The following MS4A15 variants were observed in gnomAD, a reference collection of about 807,000 sequenced individuals.
MS4A15 encodes membrane-spanning 4-domains subfamily A member 15.
Under a neutral mutation model 20.6 loss-of-function variants are expected in MS4A15, and 22 were observed. The ratio of observed to expected loss-of-function variants is 1.07; its 90% CI spans 0.76 to 1.52. The LOEUF (loss-of-function observed/expected upper bound fraction) is 1.52, where lower values mean the gene tolerates loss of function less well. MS4A15 is among the 40% of genes most tolerant of loss of function. The probability of loss-of-function intolerance (pLI) is 0.00; values close to 1 mark genes in which losing one functional copy is unlikely to be tolerated. For missense variants in MS4A15, 312 were observed against 323.0 expected, an observed-to-expected ratio of 0.97 and a Z score of 0.26; for synonymous variants, 129 against 129.3, an observed-to-expected ratio of 1.00 and a Z score of 0.02.
intron 1 of MS4A15, among the ~76,000 whole-genome samples, chr11:60,759,966 T>C (rs1179713660): frequency 6.6e-6 from 1 of 152,202 alleles, no homozygotes; most frequent in Non-Finnish European, 1.5e-5. Flanking sequence ...CCGGCGCCGG[T>C]GCAGTTCCTC....
rs1854100021 is a variant in MS4A15, at chr11:60,773,557, G to A, written c.498+73G>A. 2.1e-6 allele frequency: 3 copies of A among 1,409,942 alleles called. No homozygotes were observed. In the Admixed American group the frequency reaches 5.1e-5, roughly 24 times the overall value. The allele number at this position is 1,409,942 out of a possible 1,614,324, so 87.3% of individuals were successfully genotyped here. ...CAGCCATGTCCAGGAGGGTAGGGAG[G>A]TGAGAGTTTGCAGCGCCAGGACGTT... On this transcript the variant is annotated intron_variant, in intron 5 of 6. Transcript: ENST00000405633.
chr11:60,767,774 G>C (rs1032602673), intron 3 of MS4A15, 119 bp downstream of exon 3: 31 of 1,247,374 alleles, frequency 2.5e-5, no homozygotes, highest in Non-Finnish European at 3.3e-5. Context: ...GGGGCCTGGA[G>C]GCACTTCCTA....
chr11:60,772,168 G>A (rs972034986), intron 4 of MS4A15, among the ~76,000 whole-genome samples: 14 of 152,188 alleles, frequency 9.2e-5, no homozygotes, highest in Non-Finnish European at 1.9e-4. Flanking sequence ...GGAAGAGCCC[G>A]GTCGGGAAAC....
chr11:60,766,384 AAAT>A (rs988734443), intron 2 of MS4A15, among the ~76,000 whole-genome samples: 1 of 152,102 alleles, frequency 6.6e-6, no homozygotes, highest in Non-Finnish European at 1.5e-5. Context: ...TCCTTCTCAA[AAAT>A]AATAATAATA....
chr11:60,775,334 G>GAAAAC (rs1395033185), intron 6 of MS4A15, among the ~76,000 whole-genome samples: 3 of 46,450 alleles, frequency 6.5e-5, no homozygotes, highest in African/African-American at 1.3e-4. Flanking sequence ...AAAAAGAAAA[G>GAAAAC]AAAAAAAAGA....
intron 4 of MS4A15, chr11:60,771,617 A>C: frequency 6.7e-7 from 1 of 1,482,092 alleles, no homozygotes; most frequent in South Asian, 1.2e-5. Flanking sequence ...AAGATGCTAG[A>C]AGATCTCCTG....
rs1565067870 is a variant in MS4A15 at position 60,759,720 on chromosome 11, T to C, written c.-29+2662T>C. On this transcript the variant is annotated intron_variant, in intron 1 of 6. Transcript: ENST00000405633. ...CGAGATATGCTGGCAGCAATACTGC[T>C]CTGTTACTCTTTACTAACTGAGATG... is the stretch of plus-strand genomic sequence containing the variant. Among the ~76,000 whole-genome samples, 4 of 152,306 alleles carry C rather than the reference T, an allele frequency of 2.6e-5. No homozygotes were observed. The South Asian group carries it at 8.3e-4, about 32-fold the overall frequency.
chr11:60,773,795 C>T lies in MS4A15; in HGVS notation c.499-42C>T, dbSNP rs770684176. ...TTCTCACTCGGGGGACCCCCTTACT[C>T]TAGAACTCTGGGCTCACCTTTCTGT... is the stretch of plus-strand genomic sequence containing the variant. On this transcript the variant is annotated intron_variant, in intron 5 of 6. Coordinates refer to ENST00000405633, the MANE Select transcript of MS4A15 (RefSeq NM_001098835.2). The T allele has an allele frequency of 2.6e-6, 4 of 1,568,258 alleles. No homozygotes were observed. In the South Asian group the frequency reaches 3.3e-5, roughly 13 times the overall value.
Position 60,767,630 on chromosome 11 carries a change from G to A in MS4A15, c.323G>A (p.Gly108Asp). 6.4e-7 allele frequency: 1 copy of A among 1,555,808 alleles called. No homozygotes were observed. Among genetic ancestry groups the A allele is most frequent in the Non-Finnish European group, 8.7e-7 (1 of 1,149,190 alleles). The change falls in exon 3 of 7, where the codon GGC becomes GAC. Residue 108 changes from glycine to aspartate, a missense_variant. By Grantham distance (94) the Gly-to-Asp change is moderately conservative. Coordinates refer to ENST00000405633, the MANE Select transcript of MS4A15 (RefSeq NM_001098835.2). Reference sequence around the variant, plus strand: ...GTGGGCATCTTCTTCATCGAGGGCGGCGTCCCCTTCTGGGGAGGAGCCTGC... The same window carrying A: ...GTGGGCATCTTCTTCATCGAGGGCGACGTCCCCTTCTGGGGAGGAGCCTGC... ...GHVGIFFIEG[G>D]VPFWGGACFI... is the part of the protein sequence containing the mutation.
At chr11:60,772,505 T>C (rs1854068807) in intron 4 of MS4A15, among the ~76,000 whole-genome samples, 1 of 152,192 alleles carries the variant, frequency 6.6e-6, no homozygotes, top group Non-Finnish European at 1.5e-5. Context: ...GCACTTTGCA[T>C]AGTGCCTGGC....
intron 6 of MS4A15, among the ~76,000 whole-genome samples, chr11:60,774,739 G>C (rs1185463112): frequency 6.6e-6 from 1 of 152,230 alleles, no homozygotes; most frequent in Non-Finnish European, 1.5e-5. Flanking sequence ...TCAAGGCAGG[G>C]GAACCAGTTG....
intron 1 of MS4A15, among the ~76,000 whole-genome samples, 170 bp downstream of exon 1, chr11:60,757,228 A>G (rs1291634436): frequency 6.6e-6 from 1 of 152,236 alleles, no homozygotes; most frequent in Admixed American, 6.5e-5. Flanking sequence ...AGCTCTACAC[A>G]ACGCTATGAT....
At chr11:60,758,114 C>T (rs963275004) in intron 1 of MS4A15, among the ~76,000 whole-genome samples, 3 of 152,146 alleles carry the variant, frequency 2.0e-5, no homozygotes, top group South Asian at 4.1e-4. Context: ...TTTAGCCATG[C>T]AGCAGTCCTT....
At position 60,775,758 on chromosome 11, in the gene MS4A15, T is replaced by C; in HGVS notation, c.*43T>C. The C allele has an allele frequency of 1.3e-6, 2 of 1,527,242 alleles. No individual in the cohort carries two copies. The highest frequency in any genetic ancestry group is 1.2e-5 in the South Asian group (1 of 86,942). 94.6% of individuals were successfully genotyped at this position (1,527,242 alleles called of 1,614,324 possible). Reference sequence around the variant, plus strand: ...TGCGGGTGGAGTCCAGCCTTTTCCCTCTGGGCCCAGCCTCTCCCCACCCCC... The same window carrying C: ...TGCGGGTGGAGTCCAGCCTTTTCCCCCTGGGCCCAGCCTCTCCCCACCCCC... On this transcript the variant is annotated 3_prime_UTR_variant, in exon 7 of 7. Transcript: ENST00000405633.
At chr11:60,761,728 GTA>G (rs1360097964) in intron 1 of MS4A15, among the ~76,000 whole-genome samples, 2 of 152,174 alleles carry the variant, frequency 1.3e-5, no homozygotes, top group Non-Finnish European at 2.9e-5. Flanking sequence ...CACATGATGA[GTA>G]TATTACTAGC....
intron 6 of MS4A15, among the ~76,000 whole-genome samples, chr11:60,774,969 G>C (rs562774084): frequency 5.3e-5 from 8 of 152,314 alleles, no homozygotes; most frequent in Non-Finnish European, 1.5e-5. Flanking sequence ...CTGGTGCCAC[G>C]GTGCAGGCAA....
Position 60,773,902 on chromosome 11 carries a change from C to A in MS4A15, c.564C>A (p.Val188=). The change falls in exon 6 of 7, where the codon GTC becomes GTA. Residue 188 remains valine (V), a synonymous_variant. Coordinates refer to ENST00000405633, the MANE Select transcript of MS4A15 (RefSeq NM_001098835.2). ...CTGTCCTGGAGTTCTTCACAGCGGTCATTGCCATGCACTTCGGGTGCCAAG... is the reference window on the plus strand; with the variant it reads ...CTGTCCTGGAGTTCTTCACAGCGGTAATTGCCATGCACTTCGGGTGCCAAG... ...IFTVLEFFTA[V]IAMHFGCQAI... is the part of the protein sequence containing the mutation. The A allele has an allele frequency of 6.2e-7, 1 of 1,614,152 alleles. No homozygotes were observed. The highest frequency in any genetic ancestry group is 1.1e-5 in the South Asian group (1 of 91,070).
At chr11:60,761,503 CTG>C (rs1313932772) in intron 1 of MS4A15, among the ~76,000 whole-genome samples, 6 of 152,176 alleles carry the variant, frequency 3.9e-5, no homozygotes, top group Non-Finnish European at 1.5e-5. Context: ...TCAAGGGCCT[CTG>C]TTTGATAATG....
intron 1 of MS4A15, among the ~76,000 whole-genome samples, chr11:60,762,778 T>C (rs1853778776): frequency 6.6e-6 from 1 of 152,304 alleles, no homozygotes; most frequent in African/African-American, 2.4e-5. Flanking sequence ...CAAGCTTATG[T>C]ACATGGCATT....
Sources: gnomAD v4.1 joint callset for allele counts (sites outside exome capture counted in the v4.1 genomes callset) on GRCh38, gnomAD v4.1.1 for gene constraint, MANE v1.5 for transcripts, NCBI Gene and HGNC (gene_info 2026-07-23, HGNC 2026-07-21) for gene names.